Variants in EDNRB observed in about 807,000 individuals in gnomAD.
EDNRB encodes the protein Hirschsprung disease 2.
A neutral mutation model predicts 46.4 loss-of-function variants in EDNRB; 18 were observed. The ratio of observed to expected loss-of-function variants is 0.39; its 90% CI spans 0.27 to 0.57. EDNRB has a LOEUF of 0.57. Among genes scored for constraint, EDNRB ranks in the 20% least tolerant of loss-of-function variants. EDNRB has a pLI of 0.61. For synonymous variants in EDNRB, 213 were observed against 204.9 expected (o/e 1.04, Z -0.34); for missense variants, 434 against 537.5 (o/e 0.81, Z 1.90).
chr13:77,969,908 G>C (rs547289980), intron 1 of EDNRB, among the ~76,000 whole-genome samples: 2 of 152,164 alleles, frequency 1.3e-5, no homozygotes, highest in African/African-American at 4.8e-5. Context: ...ACCAACACCA[G>C]AAGCCTGCAT....
At chr13:77,912,874 T>C (rs1879639814) in intron 1 of EDNRB, among the ~76,000 whole-genome samples, 1 of 152,122 alleles carries the variant, frequency 6.6e-6, no homozygotes, top group Admixed American at 6.5e-5. Flanking sequence ...AATGAGAACA[T>C]TGTTATTAAA....
rs563534217 is a variant in EDNRB at position 77,959,672 on chromosome 13, T to C, written c.-52+15675A>G. 2.6e-5 allele frequency among the ~76,000 whole-genome samples: 4 copies of C among 152,302 alleles called. No individual in the cohort carries two copies. In the East Asian group the frequency reaches 7.7e-4, roughly 29 times the overall value. On this transcript the variant is annotated intron_variant, in intron 1 of 7. Transcript: ENST00000646948. The stretch of plus-strand genomic sequence containing the variant: ...AAGGAACTCAGCTCTTCGCCAGCAA[T>C]GGAACAAAGCTGGATGGAGAATAAC...
chr13:77,973,151 C>T (rs1448565368), intron 1 of EDNRB, among the ~76,000 whole-genome samples: 4 of 152,128 alleles, frequency 2.6e-5, no homozygotes, highest in African/African-American at 7.2e-5. Flanking sequence ...TGGCAGTGGA[C>T]TTTATAGTCC....
intron 1 of EDNRB, among the ~76,000 whole-genome samples, chr13:77,934,681 G>C (rs909427706): frequency 1.1e-3 from 36 of 33,930 alleles, no homozygotes; most frequent in African/African-American, 2.3e-3. Flanking sequence ...TGTAGGAAAG[G>C]GGGGGGGGGG....
intron 1 of EDNRB, among the ~76,000 whole-genome samples, chr13:77,949,672 T>C (rs2137673069): frequency 6.6e-6 from 1 of 152,278 alleles, no homozygotes. Flanking sequence ...CTTGAAGTCT[T>C]GAAGGCCAAA....
chr13:77,974,616 C>T (rs1441219326), intron 1 of EDNRB, among the ~76,000 whole-genome samples: 1 of 10,754 alleles, frequency 9.3e-5, no homozygotes, highest in Non-Finnish European at 2.7e-4. Context: ...TCCTCTCTGC[C>T]TCTCTCTCTC....
At chr13:77,960,860 GA>G (rs34344431) in intron 1 of EDNRB, among the ~76,000 whole-genome samples, 89,138 of 115,508 alleles carry the variant, frequency 0.77, 33,612 homozygotes, top group East Asian at 0.91. Context: ...CAAGCAAATG[GA>G]AAAAAAAAAA....
At chr13:77,964,694 G>C (rs970688398) in intron 1 of EDNRB, among the ~76,000 whole-genome samples, 2 of 152,120 alleles carry the variant, frequency 1.3e-5, no homozygotes, top group Non-Finnish European at 2.9e-5. Flanking sequence ...GAGTTAATGG[G>C]TGTAGCACAC....
rs750396591 is a variant in EDNRB at position 77,898,229 on chromosome 13, G to A, written c.1300C>T (p.Arg434Cys). The A allele has an allele frequency of 4.3e-6, 7 of 1,611,820 alleles. No individual in the cohort carries two copies. Among genetic ancestry groups the A allele is most frequent in the Middle Eastern group, 1.6e-4 (1 of 6,066 alleles). The change falls in exon 7 of 7, where the codon CGT (arginine) becomes TGT (cysteine). Residue 434 changes from arginine to cysteine, a missense_variant. By Grantham distance (180) the Arg-to-Cys change is radical (BLOSUM62 -3). Coordinates refer to ENST00000646607, the MANE Select transcript of EDNRB (RefSeq NM_001122659.3). The stretch of plus-strand genomic sequence containing the variant: ...GATGAGCTGTATTTATTACTGGAAC[G>A]GAAGTTGTCATATCCGTGATCATTA... ...KANDHGYDNF[R>C]SSNKYSSS
intron 1 of EDNRB, among the ~76,000 whole-genome samples, chr13:77,934,917 A>G (rs1028885129): frequency 1.3e-5 from 2 of 151,712 alleles, no homozygotes; most frequent in African/African-American, 4.8e-5. Flanking sequence ...AGAAGGAAAT[A>G]TGGGGAAATG....
chr13:77,925,630 C>T (rs760055093), intron 1 of EDNRB, among the ~76,000 whole-genome samples: 6 of 152,190 alleles, frequency 3.9e-5, no homozygotes, highest in Non-Finnish European at 4.4e-5. Context: ...CGTGTGGAAA[C>T]GCCTGGATGC....
At chr13:77,945,387 C>T (rs907173048) in intron 1 of EDNRB, among the ~76,000 whole-genome samples, 1 of 152,060 alleles carries the variant, frequency 6.6e-6, no homozygotes, top group Non-Finnish European at 1.5e-5. Context: ...GTGTGTGCAC[C>T]AATATTTTGT....
intron 1 of EDNRB, among the ~76,000 whole-genome samples, chr13:77,974,902 C>T (rs1240157169): frequency 1.3e-5 from 2 of 152,074 alleles, no homozygotes; most frequent in Non-Finnish European, 2.9e-5. Context: ...AATTTTTCAA[C>T]ATAGTTCCTA....
At chr13:77,919,650 C>T (rs1374748871), upstream of EDNRB, 1 of 1,551,496 alleles carries the variant, frequency 6.4e-7, no homozygotes. Context: ...CAGACTCCTC[C>T]CGCGCCTTCC....
chr13:77,962,694 C>A (rs149274987), intron 1 of EDNRB, among the ~76,000 whole-genome samples: 30,541 of 152,020 alleles, frequency 0.2, 3,576 homozygotes, highest in East Asian at 0.54. Flanking sequence ...TGGAAGCATT[C>A]CGTTTGAAAA....
At chr13:77,909,491 G>A (rs1266135179) in intron 1 of EDNRB, among the ~76,000 whole-genome samples, 1 of 151,910 alleles carries the variant, frequency 6.6e-6, no homozygotes, top group African/African-American at 2.4e-5. Context: ...AATGCCAAAA[G>A]GAGTCAAGCC....
upstream of EDNRB, among the ~76,000 whole-genome samples, chr13:77,923,454 C>G (rs1252290616): frequency 2.0e-5 from 3 of 152,122 alleles, no homozygotes; most frequent in African/African-American, 7.2e-5. Flanking sequence ...CTTGGTTTGT[C>G]AATGCACACT....
chr13:77,946,747 T>C (rs1379529695), intron 1 of EDNRB, among the ~76,000 whole-genome samples: 1 of 152,228 alleles, frequency 6.6e-6, no homozygotes, highest in Admixed American at 6.5e-5. Flanking sequence ...GAGATAGTTG[T>C]GGAAGACAAG....
intron 1 of EDNRB, among the ~76,000 whole-genome samples, chr13:77,972,713 T>C (rs575222634): frequency 5.9e-5 from 9 of 152,304 alleles, no homozygotes; most frequent in Non-Finnish European, 1.2e-4. Flanking sequence ...TGCAACAGTT[T>C]GAGGTGAAAT....
Sources: allele counts gnomAD v4.1 joint callset (sites outside exome capture counted in the v4.1 genomes callset), GRCh38; gene constraint gnomAD v4.1.1; transcripts MANE v1.5; gene names NCBI Gene and HGNC (gene_info 2026-07-23, HGNC 2026-07-21).